IQANK1: variants seen among roughly 807,000 people sequenced by gnomAD.
The protein encoded by IQANK1 is IQ motif and ankyrin repeat domain-containing protein 1.
A neutral mutation model predicts 22.6 loss-of-function variants in IQANK1; 30 were observed. The ratio of observed to expected loss-of-function variants is 1.33; its 90% confidence interval spans 0.99 to 1.80. The LOEUF (loss-of-function observed/expected upper bound fraction) is 1.80. IQANK1 is among the 40% of genes most tolerant of loss of function. IQANK1 has a pLI of 0.00. For missense variants in IQANK1, 275 were observed against 235.2 expected (o/e 1.17, Z -1.11); for synonymous variants, 122 against 99.6 (o/e 1.23, Z -1.34).
chr8:143,762,812 A>G (rs1819419016), intron 3 of IQANK1, among the ~76,000 whole-genome samples: 1 of 152,066 alleles, frequency 6.6e-6, no homozygotes, highest in Non-Finnish European at 1.5e-5. Flanking sequence ...CAAAACCATC[A>G]TTTTCTATTG....
rs371520522 is a variant in IQANK1, at chr8:143,734,867, C to G, written c.-5+648C>G. Among the ~76,000 whole-genome samples the G allele has an allele frequency of 1.9e-4, 28 of 151,316 alleles. No individual in the cohort carries two copies. In the South Asian group the frequency reaches 2.1e-3, roughly 11 times the overall value. ...AGCAACCCCCACACACCACCCCGAG[C>G]TGCCCCTGGGTGCTCCAGTCCCCCA... is the stretch of plus-strand genomic sequence containing the variant. On this transcript the variant is annotated intron_variant, in intron 1 of 13. Coordinates refer to ENST00000527139, the MANE Select transcript of IQANK1 (RefSeq NM_001381874.1).
At chr8:143,789,707 C>A in intron 10 of IQANK1, 54 bp from the exon 11 acceptor site, 1 of 1,223,716 alleles carries the variant, frequency 8.2e-7, no homozygotes, top group Non-Finnish European at 1.0e-6. Flanking sequence ...CAGCTGCCCT[C>A]TCCAGCCAGA....
chr8:143,763,338 G>A (rs1310371527), intron 3 of IQANK1, among the ~76,000 whole-genome samples: 1 of 152,228 alleles, frequency 6.6e-6, no homozygotes, highest in African/African-American at 2.4e-5. Flanking sequence ...ATGATGGTAA[G>A]AATATGATAA....
At chr8:143,787,226 C>T (rs1302383859) in intron 7 of IQANK1, among the ~76,000 whole-genome samples, 1 of 152,140 alleles carries the variant, frequency 6.6e-6, no homozygotes, top group Non-Finnish European at 1.5e-5. Context: ...CTATTTAAAG[C>T]AAATGTCTGT....
rs782513675 is a variant in IQANK1, at chr8:143,788,895, C to A, written c.790-20C>A. 5 of 398,946 alleles carry A rather than the reference C, an allele frequency of 1.3e-5. No homozygotes were observed. The highest frequency in any genetic ancestry group is 8.8e-5 in the Admixed American group (2 of 22,728). 24.7% of individuals were successfully genotyped at this position (398,946 alleles called of 1,614,324 possible). A position where few individuals can be genotyped will look rare whatever the true frequency, so the allele number is the denominator to read the frequency against. On this transcript the variant is annotated intron_variant, in intron 7 of 13. Transcript: ENST00000527139. ...CTCGGAACACGCACTGAGGGCCCGA[C>A]AAATGTCGTCTGTCACTAGGTGGCC...
At chr8:143,788,037 TGA>T (rs1426193807) in intron 7 of IQANK1, among the ~76,000 whole-genome samples, 2 of 152,176 alleles carry the variant, frequency 1.3e-5, no homozygotes, top group Non-Finnish European at 2.9e-5. Context: ...ATTCCGAGTA[TGA>T]GAGTCTCCCT....
rs1319470061 is a variant in IQANK1 at position 143,774,979 on chromosome 8, G to A, written c.789+2497G>A. Among the ~76,000 whole-genome samples the A allele has an allele frequency of 6.6e-6, 1 of 152,146 alleles. No homozygotes were observed. Among genetic ancestry groups the A allele is most frequent in the Non-Finnish European group, 1.5e-5 (1 of 68,022 alleles). ...GCAGGGGTTACGGATGGGAGTGGGG[G>A]CAGGAAAAGCGGGGAGAGATGGGGC... On this transcript the variant is annotated intron_variant, in intron 7 of 13. Coordinates refer to ENST00000527139, the MANE Select transcript of IQANK1 (RefSeq NM_001381874.1). The surrounding 1 kb of genome is among the most constrained non-coding windows in gnomAD (Gnocchi z 4.2).
intron 7 of IQANK1, among the ~76,000 whole-genome samples, chr8:143,781,309 G>T (rs1476947670): frequency 2.0e-5 from 3 of 152,188 alleles, no homozygotes; most frequent in Non-Finnish European, 4.4e-5. Flanking sequence ...TTGCTATGCA[G>T]AAGCTCTCAT....
intron 2 of IQANK1, among the ~76,000 whole-genome samples, chr8:143,738,192 T>G (rs1554625951): frequency 6.6e-6 from 1 of 152,070 alleles, no homozygotes; most frequent in Non-Finnish European, 1.5e-5. Flanking sequence ...CTGCCTGCCC[T>G]CCTGGCCCGG....
At chr8:143,768,779 A>G (rs1587485556) in intron 3 of IQANK1, among the ~76,000 whole-genome samples, 1 of 152,322 alleles carries the variant, frequency 6.6e-6, no homozygotes, top group East Asian at 1.9e-4. Flanking sequence ...CTTTGTGAGT[A>G]TGAGGTTATA....
chr8:143,750,547 A>G (rs1281262146), intron 3 of IQANK1, among the ~76,000 whole-genome samples: 1 of 152,154 alleles, frequency 6.6e-6, no homozygotes. Context: ...AATTAGTGAT[A>G]AGGAGAGACT....
rs1820015177 is a variant in IQANK1 at position 143,790,464 on chromosome 8, G to A, written c.1539G>A (p.Gly513=). The A allele has an allele frequency of 4.5e-6, 2 of 443,406 alleles. No homozygotes were observed. Among genetic ancestry groups the A allele is most frequent in the Non-Finnish European group, 7.5e-6 (2 of 267,060 alleles). The allele number at this position is 443,406 out of a possible 1,614,324, so 27.5% of individuals were successfully genotyped here. A position where few individuals can be genotyped will look rare whatever the true frequency, so the allele number is the denominator to read the frequency against. The change falls in exon 14 of 14, where the codon GGG becomes GGA. Residue 513 remains glycine, a synonymous_variant. Transcript: ENST00000527139. The part of the protein sequence containing the change: ...RYLSLLRPTD[G]PEYSPTQFQE... ...TGTCGCTGCTGCGGCCCACGGACGG[G>A]CCTGAGTATAGCCCCACGCAGTTCC...
intron 3 of IQANK1, among the ~76,000 whole-genome samples, chr8:143,761,705 G>A (rs558871743): frequency 6.6e-6 from 1 of 152,230 alleles, no homozygotes; most frequent in East Asian, 1.9e-4. Context: ...CGAGGCTGCA[G>A]TGATCTGAGA....
rs1252050716 is a variant in IQANK1 at position 143,789,043 on chromosome 8, C to T, written c.918C>T (p.Ala306=). Residue 306 remains alanine, a synonymous_variant, in exon 8 of 14, where the codon GCC becomes GCT. Coordinates refer to ENST00000527139, the MANE Select transcript of IQANK1 (RefSeq NM_001381874.1). Reference sequence around the variant, plus strand: ...AGGAGGCCCAGAGGCACAAGGAGGCCGAGGCTGAGCGGTGTGGAAGGCAGG... The same window carrying T: ...AGGAGGCCCAGAGGCACAAGGAGGCTGAGGCTGAGCGGTGTGGAAGGCAGG... ...RAQEAQRHKE[A]EAERCGSMTL... 1.7e-5 allele frequency: 7 copies of T among 400,196 alleles called. No homozygotes were observed. Among genetic ancestry groups the T allele is most frequent in the Middle Eastern group, 6.2e-4 (1 of 1,624 alleles). 24.8% of individuals were successfully genotyped at this position (400,196 alleles called of 1,614,324 possible). A position where few individuals can be genotyped will look rare whatever the true frequency, so the allele number is the denominator to read the frequency against.
rs575188893 is a variant in IQANK1 at position 143,782,260 on chromosome 8, C to T, written c.790-6655C>T. ...GATATAGAATCATGTTGTCTGCAAA[C>T]AGAAACAGTTTGACTTCCTCTCATT... On this transcript the variant is annotated intron_variant, in intron 7 of 13. Coordinates refer to ENST00000527139, the MANE Select transcript of IQANK1 (RefSeq NM_001381874.1). 2.6e-5 allele frequency among the ~76,000 whole-genome samples: 4 copies of T among 152,266 alleles called. No homozygotes were observed. In the South Asian group the frequency reaches 6.2e-4, roughly 24 times the overall value.
chr8:143,760,843 G>T (rs1405076456), intron 3 of IQANK1, among the ~76,000 whole-genome samples: 2 of 152,214 alleles, frequency 1.3e-5, no homozygotes, highest in African/African-American at 2.4e-5. Context: ...TTCTGCGCTC[G>T]GCATCGCGGC....
intron 3 of IQANK1, among the ~76,000 whole-genome samples, chr8:143,762,400 T>C (rs1483319573): frequency 6.6e-6 from 1 of 151,996 alleles, no homozygotes; most frequent in Non-Finnish European, 1.5e-5. Flanking sequence ...TGTTCAGAGC[T>C]TTACCCAGGA....
At chr8:143,765,577 G>A (rs188802410) in intron 3 of IQANK1, among the ~76,000 whole-genome samples, 90 of 152,204 alleles carry the variant, frequency 5.9e-4, no homozygotes, top group African/African-American at 2.0e-3. Flanking sequence ...TTGCTCTATG[G>A]ATTACTTACC....
intron 3 of IQANK1, among the ~76,000 whole-genome samples, chr8:143,741,404 G>A (rs1357693063): frequency 1.3e-5 from 2 of 152,178 alleles, no homozygotes; most frequent in Admixed American, 1.3e-4. Context: ...CCTGGAGAAG[G>A]TGACACCAAG....
Sources: allele counts gnomAD v4.1 joint callset (sites outside exome capture counted in the v4.1 genomes callset), GRCh38; gene constraint gnomAD v4.1.1; non-coding constraint Gnocchi (gnomAD v3.1); transcripts MANE v1.5; gene names NCBI Gene and HGNC (gene_info 2026-07-23, HGNC 2026-07-21).